The following TBCK variants were observed in gnomAD, a reference collection of about 807,000 sequenced individuals.
The protein encoded by TBCK is TBC domain-containing protein kinase-like protein.
Under a neutral mutation model 113.4 loss-of-function variants are expected in TBCK, and 99 were observed. The ratio of observed to expected loss-of-function variants is 0.87; its 90% CI spans 0.74 to 1.03. The LOEUF (loss-of-function observed/expected upper bound fraction) is 1.03, where lower values mean the gene tolerates loss of function less well. Ranked by LOEUF, TBCK falls within the 50% of genes least tolerant of loss-of-function variation. TBCK has a pLI of 0.00. For missense variants in TBCK, 1,045 were observed against 1,061.3 expected, an observed-to-expected ratio of 0.98 and a Z score of 0.21; for synonymous variants, 369 against 370.8, an observed-to-expected ratio of 1.00 and a Z score of 0.05.
chr4:106,263,284 A>T (rs145520189), intron 3 of TBCK, among the ~76,000 whole-genome samples: 18 of 152,068 alleles, frequency 1.2e-4, no homozygotes, highest in African/African-American at 4.3e-4. Context: ...AAAAATATTC[A>T]ATCCACAAAC....
chr4:106,116,406 T>G, intron 23 of TBCK, 28 bp from the exon 24 acceptor site: 2 of 1,556,708 alleles, frequency 1.3e-6, no homozygotes, highest in Non-Finnish European at 1.8e-6. Context: ...CAAAAAAAAA[T>G]ATTGAGAATA....
intron 25 of TBCK, among the ~76,000 whole-genome samples, chr4:106,075,735 G>A (rs1353537092): frequency 1.3e-5 from 2 of 152,188 alleles, no homozygotes; most frequent in Non-Finnish European, 2.9e-5. Flanking sequence ...TAAGATATTA[G>A]AAAACATTTG....
In TBCK at chr4:106,074,126, C is replaced by G. The variant is rs563356350; in HGVS notation, c.2571+21356G>C. Among the ~76,000 whole-genome samples, 39 of 152,276 alleles carry G rather than the reference C, an allele frequency of 2.6e-4. No homozygotes were observed. In the South Asian group the frequency reaches 7.9e-3, roughly 31 times the overall value. On this transcript the variant is annotated intron_variant, in intron 25 of 25. Coordinates refer to ENST00000394708, the MANE Select transcript of TBCK (RefSeq NM_001163435.3). Reference sequence around the variant, plus strand: ...TTGCCCATGGGCTGCACCCACTGTCCAAGCAGTCCCAATGAGATGAACCAG... The same window carrying G: ...TTGCCCATGGGCTGCACCCACTGTCGAAGCAGTCCCAATGAGATGAACCAG...
At chr4:106,204,852 G>A (rs1371452914) in intron 20 of TBCK, among the ~76,000 whole-genome samples, 3 of 138,334 alleles carry the variant, frequency 2.2e-5, no homozygotes, top group African/African-American at 5.5e-5. Context: ...TGCAAGCTCC[G>A]CTTCCCGGGT....
intron 12 of TBCK, among the ~76,000 whole-genome samples, chr4:106,241,217 A>G (rs1161310716): frequency 6.6e-6 from 1 of 151,938 alleles, no homozygotes; most frequent in African/African-American, 2.4e-5. Flanking sequence ...TAACTGATAT[A>G]CAGACATTAA....
chr4:106,265,568 G>C (rs892996748), intron 3 of TBCK, among the ~76,000 whole-genome samples: 1 of 151,638 alleles, frequency 6.6e-6, no homozygotes, highest in Non-Finnish European at 1.5e-5. Flanking sequence ...AAGAGACAGA[G>C]AGAGAGTGAG....
chr4:106,081,545 G>C (rs949369453), intron 25 of TBCK, among the ~76,000 whole-genome samples: 1 of 152,142 alleles, frequency 6.6e-6, no homozygotes, highest in Non-Finnish European at 1.5e-5. Flanking sequence ...GAGAGCATCA[G>C]GAAGAATAGC....
At position 106,232,930 on chromosome 4, in the gene TBCK, A is replaced by G. The variant is rs1390126894; in HGVS notation, c.1639+8T>C. On this transcript the variant is annotated splice_region_variant and intron_variant, in intron 17 of 25. Transcript: ENST00000394708. ...CTCCAGAGGAGTTTTAATGACTACA[A>G]AAGTTACCTTGCCAATACACAAGAT... 6.2e-7 allele frequency: 1 copy of G among 1,609,734 alleles called. No homozygotes were observed. The highest frequency in any genetic ancestry group is 1.1e-5 in the South Asian group (1 of 90,516).
chr4:106,099,272 T>C (rs978233655), intron 24 of TBCK, among the ~76,000 whole-genome samples: 1 of 152,126 alleles, frequency 6.6e-6, no homozygotes, highest in Non-Finnish European at 1.5e-5. Flanking sequence ...AACCAGCTCA[T>C]GTTTTTTTAC....
rs1205372645 is a variant in TBCK, at chr4:106,043,482, G to A, written c.*3088C>T. 1 of 152,186 alleles carries A rather than the reference G, an allele frequency of 6.6e-6. No individual in the cohort carries two copies. The highest frequency in any genetic ancestry group is 1.5e-5 in the Non-Finnish European group (1 of 68,030). The allele number at this position is 152,186 out of a possible 1,614,324, so 9.4% of individuals were successfully genotyped here. On this transcript the variant is annotated 3_prime_UTR_variant, in exon 26 of 26. Coordinates refer to ENST00000394708, the MANE Select transcript of TBCK (RefSeq NM_001163435.3). ...TTTATATTAATTGAGCATATCCAATGTGGTGGGTTGCTGAAGGTAGCAAGA... is the reference window on the plus strand; with the variant it reads ...TTTATATTAATTGAGCATATCCAATATGGTGGGTTGCTGAAGGTAGCAAGA...
chr4:106,195,430 T>A (rs962651008), intron 20 of TBCK, among the ~76,000 whole-genome samples: 1 of 151,942 alleles, frequency 6.6e-6, no homozygotes, highest in African/African-American at 2.4e-5. Flanking sequence ...ATTTTAAAGA[T>A]CCTTGTGTTA....
chr4:106,253,692 T>G (rs1761672203), intron 5 of TBCK, among the ~76,000 whole-genome samples: 1 of 152,234 alleles, frequency 6.6e-6, no homozygotes, highest in African/African-American at 2.4e-5. Flanking sequence ...TCCTTGAAAA[T>G]TAATGACATT....
chr4:106,287,251 A>T (rs1765207682), intron 3 of TBCK, among the ~76,000 whole-genome samples: 2 of 152,114 alleles, frequency 1.3e-5, no homozygotes, highest in African/African-American at 2.4e-5. Flanking sequence ...TCTACCCCCT[A>T]TTCTTAGTGT....
chr4:106,250,471 T>G lies in TBCK; in HGVS notation c.605A>C (p.Lys202Thr), dbSNP rs773733439. ...AGAAATATCCAAGCTCTGAAATAAT[T>G]TTCTTCCCTAAATAAAATGAGAAAA... ...IILFELCVGR[K>T]LFQSLDISER... Residue 202 changes from lysine (K) to threonine (T), a missense_variant, in exon 7 of 26, where the codon AAA (lysine) becomes ACA (threonine). By Grantham distance (78) the Lys-to-Thr change is moderately conservative. Coordinates refer to ENST00000394708, the MANE Select transcript of TBCK (RefSeq NM_001163435.3). The G allele has an allele frequency of 1.9e-6, 3 of 1,542,328 alleles. No homozygotes were observed. The Admixed American group carries it at 5.5e-5, about 28-fold the overall frequency.
intron 19 of TBCK, among the ~76,000 whole-genome samples, chr4:106,219,606 TC>T (rs1447146280): frequency 1.3e-5 from 2 of 152,038 alleles, no homozygotes; most frequent in Non-Finnish European, 2.9e-5. Flanking sequence ...TATGCACTAA[TC>T]TAAACAAGAT....
intron 19 of TBCK, among the ~76,000 whole-genome samples, chr4:106,223,206 C>T (rs1757894649): frequency 6.6e-6 from 1 of 152,120 alleles, no homozygotes; most frequent in South Asian, 2.1e-4. Flanking sequence ...ACTGCTTTTG[C>T]ACCAACCTAA....
intron 19 of TBCK, among the ~76,000 whole-genome samples, chr4:106,217,048 C>T (rs1757030851): frequency 6.6e-6 from 1 of 152,012 alleles, no homozygotes; most frequent in Non-Finnish European, 1.5e-5. Flanking sequence ...CCCTGGGATG[C>T]AAGGCTGGTT....
At chr4:106,120,444 T>C (rs1055656572) in intron 23 of TBCK, among the ~76,000 whole-genome samples, 31 of 152,242 alleles carry the variant, frequency 2.0e-4, no homozygotes, top group Non-Finnish European at 3.4e-4. Context: ...CTGGGAAGCT[T>C]GAACTGGGTG....
intron 3 of TBCK, among the ~76,000 whole-genome samples, chr4:106,269,008 C>T (rs1277414355): frequency 1.3e-5 from 2 of 152,130 alleles, no homozygotes; most frequent in African/African-American, 4.8e-5. Context: ...AGGGAGGAAA[C>T]ACATTTCTGC....
Sources: allele counts gnomAD v4.1 joint callset (sites outside exome capture counted in the v4.1 genomes callset), GRCh38; gene constraint gnomAD v4.1.1; transcripts MANE v1.5; gene names NCBI Gene and HGNC (gene_info 2026-07-23, HGNC 2026-07-21).